DCTN4: variants seen among roughly 807,000 people sequenced by gnomAD.
DCTN4 encodes dynactin subunit 4.
Under a neutral mutation model 62.7 loss-of-function variants are expected in DCTN4, and 23 were observed. The observed-to-expected ratio is 0.37, with a 90% CI of 0.26 to 0.52. DCTN4 has a LOEUF of 0.52. DCTN4 is among the 20% of genes least tolerant of loss of function. The pLI is 0.92. For missense variants in DCTN4, 514 were observed against 580.4 expected, an observed-to-expected ratio of 0.89 and a Z score of 1.18; for synonymous variants, 199 against 202.1, an observed-to-expected ratio of 0.98 and a Z score of 0.13.
intron 9 of DCTN4, among the ~76,000 whole-genome samples, chr5:150,720,370 T>C (rs1031659937): frequency 1.3e-5 from 2 of 151,548 alleles, no homozygotes; most frequent in African/African-American, 4.8e-5. Context: ...TTCCTGAATC[T>C]CAAAAAAAAC....
intron 8 of DCTN4, among the ~76,000 whole-genome samples, chr5:150,729,042 C>CTTTTCTT (rs1760258888): frequency 1.9e-5 from 1 of 52,140 alleles, no homozygotes; most frequent in African/African-American, 7.6e-5. Context: ...ACCACACTGG[C>CTTTTCTT]TTTTTTTTTT....
intron 3 of DCTN4, among the ~76,000 whole-genome samples, chr5:150,749,611 T>G (rs1457889591): frequency 6.6e-6 from 1 of 151,714 alleles, no homozygotes; most frequent in Non-Finnish European, 1.5e-5. Flanking sequence ...AGTCCAGGAG[T>G]TGGAGACCAG....
Position 150,722,911 on chromosome 5 carries a change from C to T in DCTN4, c.904G>A (p.Ala302Thr), listed in dbSNP as rs774138747. The T allele has an allele frequency of 6.8e-6, 11 of 1,611,128 alleles. No individual in the cohort carries two copies. Among genetic ancestry groups the T allele is most frequent in the East Asian group, 6.7e-5 (3 of 44,736 alleles). ...CACCAATCCCAAAATACTTACACAG[C>T]GACCAGCTGGATTTTGAATTTGATT... is the stretch of plus-strand genomic sequence containing the variant. ...TSIKFKIQLVAVNYIPEVRIM... is the reference protein window; with the variant it reads ...TSIKFKIQLVTVNYIPEVRIM... The change falls in exon 9 of 13, where the codon GCT (alanine) becomes ACT (threonine). Residue 302 changes from alanine (A) to threonine (T), a missense_variant. Physicochemically the swap from Ala to Thr is moderately conservative, Grantham distance 58. Transcript: ENST00000447998.
At position 150,742,101 on chromosome 5, in the gene DCTN4, A is replaced by C; in HGVS notation, c.429+13T>G. On this transcript the variant is annotated intron_variant, in intron 4 of 12. Coordinates refer to ENST00000447998, the MANE Select transcript of DCTN4 (RefSeq NM_016221.4). ...CCGATTTCATCCTCTCTCTCTTATG[A>C]CCCTTTACTTACCCGTTGTGTGTGA... The C allele has an allele frequency of 1.2e-6, 2 of 1,613,108 alleles. No homozygotes were observed. Among genetic ancestry groups the C allele is most frequent in the Non-Finnish European group, 1.7e-6 (2 of 1,179,206 alleles).
chr5:150,731,814 C>CAAG, intron 5 of DCTN4: 1 of 1,379,322 alleles, frequency 7.2e-7, no homozygotes, highest in Non-Finnish European at 1.0e-6. Flanking sequence ...ACACAACAGA[C>CAAG]GTCTTCCTGG....
At chr5:150,725,105 C>G (rs1760093425) in intron 8 of DCTN4, among the ~76,000 whole-genome samples, 1 of 149,024 alleles carries the variant, frequency 6.7e-6, no homozygotes, top group Non-Finnish European at 1.5e-5. Context: ...TTGCAGTGAG[C>G]CGAGATCACG....
chr5:150,758,315 T>C, intron 1 of DCTN4: 7 of 986,044 alleles, frequency 7.1e-6, no homozygotes, highest in African/African-American at 1.7e-5. Flanking sequence ...CATGACATAC[T>C]GTATTCTGAG....
chr5:150,733,114 T>C (rs984899316), intron 5 of DCTN4, among the ~76,000 whole-genome samples: 6 of 152,208 alleles, frequency 3.9e-5, no homozygotes, highest in African/African-American at 1.4e-4. Flanking sequence ...ATTAACAGCC[T>C]TTCTGGGGAA....
chr5:150,751,900 T>C (rs1752689099), intron 3 of DCTN4, among the ~76,000 whole-genome samples: 1 of 152,184 alleles, frequency 6.6e-6, no homozygotes, highest in African/African-American at 2.4e-5. Flanking sequence ...TTCACCCATA[T>C]TTACTTCCAA....
intron 12 of DCTN4, among the ~76,000 whole-genome samples, chr5:150,713,058 C>G (rs933997963): frequency 1.3e-5 from 2 of 152,180 alleles, no homozygotes; most frequent in African/African-American, 4.8e-5. Context: ...TGAGGACCCA[C>G]ATAAAGCAAG....
At chr5:150,719,883 GAA>G (rs947959968) in intron 9 of DCTN4, 113 bp from the exon 10 acceptor site, 1 of 652,648 alleles carries the variant, frequency 1.5e-6, no homozygotes, top group Non-Finnish European at 2.5e-6. Flanking sequence ...GAATGTATCA[GAA>G]AAAAAATAAT....
chr5:150,720,539 C>T, intron 9 of DCTN4, among the ~76,000 whole-genome samples: 1 of 150,392 alleles, frequency 6.6e-6, no homozygotes, highest in Non-Finnish European at 1.5e-5. Context: ...AGTGTAACGG[C>T]ACAATCATGA....
chr5:150,711,516 T>C (rs1405999660), intron 12 of DCTN4, among the ~76,000 whole-genome samples, 154 bp from the exon 13 acceptor site: 1 of 152,126 alleles, frequency 6.6e-6, no homozygotes, highest in Non-Finnish European at 1.5e-5. Context: ...ATTTTTTTGT[T>C]TTGTTTTGAG....
At chr5:150,755,625 C>T (rs1246759760) in intron 2 of DCTN4, 2 of 455,292 alleles carry the variant, frequency 4.4e-6, no homozygotes, top group African/African-American at 2.0e-5. Context: ...TAAAATACCT[C>T]ACCAGTACTC....
intron 3 of DCTN4, among the ~76,000 whole-genome samples, chr5:150,749,788 G>C (rs1752608238): frequency 6.6e-6 from 1 of 152,062 alleles, no homozygotes. Flanking sequence ...AAGAGTTATA[G>C]GCAAATGTTC....
In DCTN4 at chr5:150,708,533, G is replaced by C. The variant is rs932488892; in HGVS notation, c.*2616C>G. 1.3e-5 allele frequency: 2 copies of C among 152,462 alleles called. No individual in the cohort carries two copies. Among genetic ancestry groups the C allele is most frequent in the African/African-American group, 4.8e-5 (2 of 41,424 alleles). 9.4% of individuals were successfully genotyped at this position (152,462 alleles called of 1,614,324 possible). On this transcript the variant is annotated 3_prime_UTR_variant, in exon 13 of 13. Transcript: ENST00000447998. ...AGAGGTCTAACAACATTTATATAAT[G>C]GTTCTGTGAATATGTATATAAGAAG...
In DCTN4 at chr5:150,718,286, C is replaced by T. The variant is rs1345350120; in HGVS notation, c.1061G>A (p.Ser354Asn). ...GCAAAATGCTCCTACCTTAGCAGTG[C>T]TGTTGATATCATCAGGGTCCCCCTC... ...CEEGDPDDINSTAKVVVPPKE... is the reference protein window; with the variant it reads ...CEEGDPDDINNTAKVVVPPKE... The change falls in exon 11 of 13, where the codon AGC (serine) becomes AAC (asparagine). Residue 354 changes from serine to asparagine, a missense_variant. Coordinates refer to ENST00000447998, the MANE Select transcript of DCTN4 (RefSeq NM_016221.4). 1.2e-6 allele frequency: 2 copies of T among 1,612,512 alleles called. No homozygotes were observed. Among genetic ancestry groups the T allele is most frequent in the African/African-American group, 1.3e-5 (1 of 74,794 alleles).
chr5:150,720,481 ATTTTTTT>A (rs57503750), intron 9 of DCTN4, among the ~76,000 whole-genome samples: 15 of 139,432 alleles, frequency 1.1e-4, no homozygotes, highest in East Asian at 4.2e-4. Flanking sequence ...AGAGCTCTGT[ATTTTTTT>A]TTTTTTTTTT....
In DCTN4 at chr5:150,730,657, G is replaced by A; in HGVS notation, c.808C>T (p.Leu270=). 8 of 1,614,036 alleles carry A rather than the reference G, an allele frequency of 5.0e-6. No individual in the cohort carries two copies. The highest frequency in any genetic ancestry group is 6.8e-6 in the Non-Finnish European group (8 of 1,179,930). Reference sequence around the variant, plus strand: ...CGGCAGCGCAGGGACCGTTTGATCAGAAGATGTTTGTGGCGAGGATAGAGC... The same window carrying A: ...CGGCAGCGCAGGGACCGTTTGATCAAAAGATGTTTGTGGCGAGGATAGAGC... ...SQLYPRHKHL[L]IKRSLRCRKC... Residue 270 remains leucine, a synonymous_variant, in exon 8 of 13, where the codon CTG becomes TTG. Transcript: ENST00000447998.
Sources: gnomAD v4.1 joint callset for allele counts (sites outside exome capture counted in the v4.1 genomes callset) on GRCh38, gnomAD v4.1.1 for gene constraint, MANE v1.5 for transcripts, NCBI Gene and HGNC (gene_info 2026-07-23, HGNC 2026-07-21) for gene names.